FAM184A: variants seen among roughly 807,000 people sequenced by gnomAD.
The protein encoded by FAM184A is protein FAM184A.
A neutral mutation model predicts 143.8 loss-of-function variants in FAM184A; 99 were observed. That is an observed-to-expected ratio of 0.69 (90% CI 0.58 to 0.81). FAM184A has a LOEUF of 0.81. Ranked by LOEUF, FAM184A falls within the 40% of genes least tolerant of loss-of-function variation. FAM184A has a pLI of 0.00. For synonymous variants in FAM184A, 427 were observed against 446.4 expected, an observed-to-expected ratio of 0.96 and a Z score of 0.55; for missense variants, 1,217 against 1,310.5, an observed-to-expected ratio of 0.93 and a Z score of 1.10.
At position 118,976,023 on chromosome 6, in the gene FAM184A, T is replaced by C. The variant is rs1364785208; in HGVS notation, c.2477A>G (p.Asn826Ser). Residue 826 changes from asparagine (N) to serine (S), a missense_variant, in exon 12 of 18, where the codon AAC (asparagine) becomes AGC (serine). Transcript: ENST00000338891. ...ATCAATTGCAGCTGCATGTTGATGG[T>C]TGAGTTCTGAGCGCAAGGAAGCTGG... ...AMLASLRSEL[N>S]HQHAAAIDLL... is the part of the protein sequence containing the mutation. 1.9e-6 allele frequency: 3 copies of C among 1,613,136 alleles called. No individual in the cohort carries two copies. The highest frequency in any genetic ancestry group is 1.1e-5 in the South Asian group (1 of 90,710).
intron 9 of FAM184A, among the ~76,000 whole-genome samples, chr6:118,995,978 A>G (rs1454364996): frequency 1.3e-5 from 2 of 152,240 alleles, no homozygotes; most frequent in African/African-American, 4.8e-5. Flanking sequence ...TATTCATTAA[A>G]GACTGCCCAG....
At chr6:119,077,870 T>G (rs1787928091) in intron 1 of FAM184A, among the ~76,000 whole-genome samples, 1 of 152,232 alleles carries the variant, frequency 6.6e-6, no homozygotes, top group Non-Finnish European at 1.5e-5. Flanking sequence ...AGGAACTAAA[T>G]CCTAATTTGT....
intron 1 of FAM184A, among the ~76,000 whole-genome samples, chr6:119,134,153 A>T (rs1239707948): frequency 2.6e-5 from 4 of 152,152 alleles, no homozygotes; most frequent in African/African-American, 9.7e-5. Context: ...TTGACAAAAG[A>T]TTAGTACCTA....
rs1434649690 is a variant in FAM184A, at chr6:119,102,799, A to AG, written c.-202+46278_-202+46279insC. On this transcript the variant is annotated intron_variant, in intron 1 of 16. Coordinates refer to the FAM184A transcript ENST00000352896. ...GACTCCATCTCAAAAAAAAAAAAAA[A>AG]AAAAAAAAGAAAAGAAAAAAGAAAA... 2.0e-5 allele frequency among the ~76,000 whole-genome samples: 3 copies of AG among 150,172 alleles called. No individual in the cohort carries two copies. In the East Asian group the frequency reaches 5.8e-4, roughly 29 times the overall value.
chr6:118,959,765 G>A lies in FAM184A; in HGVS notation c.*338C>T, dbSNP rs1279644369. 1 of 162,596 alleles carries A rather than the reference G, an allele frequency of 6.2e-6. No homozygotes were observed. Among genetic ancestry groups the A allele is most frequent in the Non-Finnish European group, 1.3e-5 (1 of 74,858 alleles). The allele number at this position is 162,596 out of a possible 1,614,324, so 10.1% of individuals were successfully genotyped here. A position where few individuals can be genotyped will look rare whatever the true frequency, so the allele number is the denominator to read the frequency against. ...ATAATGCAGTAAAACTTGTTGACAA[G>A]TCTTACCTGGAATTAAAAAATATTT... On this transcript the variant is annotated 3_prime_UTR_variant, in exon 18 of 18. Transcript: ENST00000338891.
chr6:119,106,248 C>T (rs1049829822), intron 1 of FAM184A, among the ~76,000 whole-genome samples: 1 of 151,196 alleles, frequency 6.6e-6, no homozygotes, highest in Admixed American at 6.6e-5. Context: ...AAAAATTAGC[C>T]GGGCGTGGTG....
chr6:119,034,727 C>T (rs77596603), intron 1 of FAM184A, among the ~76,000 whole-genome samples: 1,729 of 152,038 alleles, frequency 0.011, 36 homozygotes, highest in African/African-American at 0.039. Flanking sequence ...GGAAATCTTA[C>T]ATTGTGGCTT....
intron 1 of FAM184A, among the ~76,000 whole-genome samples, chr6:119,087,620 A>T (rs1439414681): frequency 6.6e-6 from 1 of 152,220 alleles, no homozygotes; most frequent in Non-Finnish European, 1.5e-5. Context: ...ACATGGAGAA[A>T]TTGGGATCCC....
chr6:119,004,621 T>C (rs942181905), intron 7 of FAM184A, among the ~76,000 whole-genome samples: 1 of 152,180 alleles, frequency 6.6e-6, no homozygotes, highest in African/African-American at 2.4e-5. Flanking sequence ...TTAGACATTA[T>C]TGGGGTAGGT....
At chr6:119,081,018 G>C (rs533973358), upstream of FAM184A, among the ~76,000 whole-genome samples, 1 of 152,086 alleles carries the variant, frequency 6.6e-6, no homozygotes, top group Admixed American at 6.5e-5. Context: ...GAAAGAGAGC[G>C]GGGAGGTGCT....
At chr6:119,048,480 C>T (rs991737531) in intron 1 of FAM184A, among the ~76,000 whole-genome samples, 1 of 152,020 alleles carries the variant, frequency 6.6e-6, no homozygotes, top group African/African-American at 2.4e-5. Context: ...TATAGAAAAC[C>T]CCATAGTCTC....
Position 118,975,011 on chromosome 6 carries a change from C to T in FAM184A, c.2768+13G>A. The T allele has an allele frequency of 1.2e-6, 2 of 1,601,652 alleles. No homozygotes were observed. The highest frequency in any genetic ancestry group is 1.7e-6 in the Non-Finnish European group (2 of 1,171,130). On this transcript the variant is annotated intron_variant, in intron 13 of 17. Transcript: ENST00000338891. ...GACACTGCATATTCCTTCTGTTGTACTTAATGGCATACCTTATCTGTTGGT... is the reference window on the plus strand; with the variant it reads ...GACACTGCATATTCCTTCTGTTGTATTTAATGGCATACCTTATCTGTTGGT...
At chr6:119,101,297 C>A (rs2114834585) in intron 1 of FAM184A, among the ~76,000 whole-genome samples, 1 of 152,052 alleles carries the variant, frequency 6.6e-6, no homozygotes, top group East Asian at 2.0e-4. Context: ...GTCTTGAACT[C>A]CCAACCTCCG....
chr6:119,080,379 C>T (rs1016240427), upstream of FAM184A, among the ~76,000 whole-genome samples: 4 of 152,180 alleles, frequency 2.6e-5, no homozygotes, highest in African/African-American at 9.7e-5. Context: ...TCACTCTGAA[C>T]TCCATCACAT....
chr6:119,002,883 A>G lies in FAM184A; in HGVS notation c.2088+16T>C. The G allele has an allele frequency of 8.1e-6, 13 of 1,598,606 alleles. No homozygotes were observed. Among genetic ancestry groups the G allele is most frequent in the Non-Finnish European group, 1.0e-5 (12 of 1,174,184 alleles). The stretch of plus-strand genomic sequence containing the variant: ...CAAGGGAGATGAAACTTCATCATGT[A>G]CACATTATTAATTACCTGGTTTAAG... On this transcript the variant is annotated intron_variant, in intron 9 of 17. Transcript: ENST00000338891.
intron 1 of FAM184A, among the ~76,000 whole-genome samples, chr6:119,114,126 T>C (rs1001060713): frequency 1.3e-5 from 2 of 152,172 alleles, no homozygotes; most frequent in African/African-American, 2.4e-5. Flanking sequence ...AGGCAACCAC[T>C]GGGGGTTTTG....
At chr6:119,082,289 C>G (rs1788095907), upstream of FAM184A, among the ~76,000 whole-genome samples, 1 of 152,148 alleles carries the variant, frequency 6.6e-6, no homozygotes, top group African/African-American at 2.4e-5. Context: ...AGACACAGAG[C>G]CAAATCATAT....
intron 1 of FAM184A, among the ~76,000 whole-genome samples, chr6:119,128,732 G>A (rs549877029): frequency 9.2e-5 from 14 of 152,190 alleles, no homozygotes; most frequent in South Asian, 2.1e-4. Flanking sequence ...GTATAGCATC[G>A]CATGGCAGAT....
chr6:119,032,204 G>A (rs1000474576), intron 1 of FAM184A, among the ~76,000 whole-genome samples: 3 of 151,694 alleles, frequency 2.0e-5, no homozygotes, highest in Non-Finnish European at 2.9e-5. Context: ...CCTGAGAGGC[G>A]GAGGTTGCAG....
Sources: gnomAD v4.1 joint callset for allele counts (sites outside exome capture counted in the v4.1 genomes callset) on GRCh38, gnomAD v4.1.1 for gene constraint, MANE v1.5 for transcripts, NCBI Gene and HGNC (gene_info 2026-07-23, HGNC 2026-07-21) for gene names.